PKNOX1: variants seen among roughly 807,000 people sequenced by gnomAD.
The protein encoded by PKNOX1 is homeobox protein PKNOX1.
PKNOX1 carries 15 observed loss-of-function variants against 51.9 expected under a neutral mutation model. The ratio of observed to expected loss-of-function variants is 0.29; its 90% CI spans 0.19 to 0.45. The LOEUF (loss-of-function observed/expected upper bound fraction) is 0.45. PKNOX1 is among the 20% of genes least tolerant of loss of function. The pLI is 1.00. For synonymous variants in PKNOX1, 219 were observed against 211.1 expected (o/e 1.04, Z -0.32); for missense variants, 462 against 547.5 (o/e 0.84, Z 1.56).
At chr21:43,018,349 T>C (rs957312335) in intron 7 of PKNOX1, 119 bp downstream of exon 7, 74 of 629,892 alleles carry the variant, frequency 1.2e-4, no homozygotes, top group Non-Finnish European at 1.9e-4. Flanking sequence ...TAGCAATTTC[T>C]GGTTTCTCTG....
chr21:43,007,670 A>C (rs1979059274), intron 3 of PKNOX1, 52 bp downstream of exon 3: 9 of 1,606,298 alleles, frequency 5.6e-6, no homozygotes, highest in Non-Finnish European at 7.7e-6. Context: ...AGGAGTGTCC[A>C]CAAGTTTGTT....
In PKNOX1 at chr21:43,032,497, A is replaced by G; in HGVS notation, c.*2396A>G. 4.2e-6 allele frequency: 1 copy of G among 239,416 alleles called. No individual in the cohort carries two copies. The highest frequency in any genetic ancestry group is 8.7e-6 in the Non-Finnish European group (1 of 115,596). 14.8% of individuals were successfully genotyped at this position (239,416 alleles called of 1,614,324 possible). A position where few individuals can be genotyped will look rare whatever the true frequency, so the allele number is the denominator to read the frequency against. ...GCCCGGCGCAGTAGGGCGTGCCTCT[A>G]GTTCCAGCTACTCGGGAGTCTGAGG... On this transcript the variant is annotated 3_prime_UTR_variant, in exon 11 of 11. Transcript: ENST00000291547.
rs1979379917 is a variant in PKNOX1, at chr21:43,014,160, T to G, written c.522+922T>G. ...CCTCACCCTCCTGAGTAGCTGGGAC[T>G]ACAGGTGCCTGCCACCACACCCGGC... On this transcript the variant is annotated intron_variant, in intron 5 of 10. Coordinates refer to ENST00000291547, the MANE Select transcript of PKNOX1 (RefSeq NM_004571.5). 2.6e-5 allele frequency among the ~76,000 whole-genome samples: 4 copies of G among 151,844 alleles called. No homozygotes were observed. The South Asian group carries it at 6.2e-4, about 24-fold the overall frequency.
chr21:42,987,533 G>T (rs2059060663), intron 1 of PKNOX1, among the ~76,000 whole-genome samples: 1 of 149,692 alleles, frequency 6.7e-6, no homozygotes, highest in South Asian at 2.1e-4. Context: ...TATAATTTTG[G>T]TCAGGGATTG....
intron 9 of PKNOX1, among the ~76,000 whole-genome samples, chr21:43,027,583 A>G (rs1398210150): frequency 6.6e-6 from 1 of 152,190 alleles, no homozygotes; most frequent in East Asian, 1.9e-4. Context: ...GATTGCTATC[A>G]TACTCATTTG....
At chr21:42,987,404 A>AAATATATATATATATATATATAT in intron 1 of PKNOX1, among the ~76,000 whole-genome samples, 1 of 41,412 alleles carries the variant, frequency 2.4e-5, no homozygotes, top group African/African-American at 9.3e-5. Context: ...AAAAAAAAAA[A>AAATATATATATATATATATATAT]ATATATATAT....
chr21:42,974,856 G>A (rs1672138), intron 1 of PKNOX1, among the ~76,000 whole-genome samples, 192 bp downstream of exon 1: 125,875 of 146,964 alleles, frequency 0.86, 53,980 homozygotes, highest in African/African-American at 0.88. Flanking sequence ...GCGCGGGTGG[G>A]GGAGGGGAGC....
chr21:43,022,327 C>A (rs1164885757), intron 8 of PKNOX1, among the ~76,000 whole-genome samples: 1 of 152,244 alleles, frequency 6.6e-6, no homozygotes, highest in African/African-American at 2.4e-5. Context: ...TCTGTCCTTG[C>A]CCTCCCCTGA....
At position 43,010,209 on chromosome 21, in the gene PKNOX1, A is replaced by G. The variant is rs1205643123; in HGVS notation, c.336A>G (p.Pro112=). The change falls in exon 4 of 11, where the codon CCA becomes CCG. Residue 112 remains proline (P), a synonymous_variant. Coordinates refer to ENST00000291547, the MANE Select transcript of PKNOX1 (RefSeq NM_004571.5). The stretch of plus-strand genomic sequence containing the variant: ...GGAAACCTTTCTTTTGTGAAGATCC[A>G]GAAACTGATAATTTAGTAAGTAAAA... ...KEGKPFFCED[P]ETDNLMVKAI... 16 of 1,542,358 alleles carry G rather than the reference A, an allele frequency of 1.0e-5. No individual in the cohort carries two copies. Among genetic ancestry groups the G allele is most frequent in the Non-Finnish European group, 1.3e-5 (15 of 1,137,434 alleles).
chr21:42,984,140 C>T (rs1477431645), intron 1 of PKNOX1, among the ~76,000 whole-genome samples: 1 of 151,812 alleles, frequency 6.6e-6, no homozygotes, highest in Non-Finnish European at 1.5e-5. Flanking sequence ...TGATGTTGTC[C>T]AGGCTGGTCT....
intron 9 of PKNOX1, among the ~76,000 whole-genome samples, chr21:43,025,821 A>C (rs1979961848): frequency 6.6e-6 from 1 of 152,210 alleles, no homozygotes; most frequent in Non-Finnish European, 1.5e-5. Context: ...AAGTTCCAGC[A>C]AGAAAGTCTT....
chr21:43,028,449 C>CAA (rs11394284), intron 9 of PKNOX1, among the ~76,000 whole-genome samples: 103 of 149,890 alleles, frequency 6.9e-4, no homozygotes, highest in Middle Eastern at 7.0e-3. Flanking sequence ...GGAGTTGAGA[C>CAA]AAAAAAAAAA....
intron 1 of PKNOX1, among the ~76,000 whole-genome samples, chr21:42,989,156 C>CTTTTT (rs577968609): frequency 2.0e-5 from 3 of 146,764 alleles, no homozygotes; most frequent in Non-Finnish European, 4.5e-5. Context: ...TAATTTCCAA[C>CTTTTT]TTTTTTTTTT....
chr21:42,983,965 G>A (rs567898980), intron 1 of PKNOX1, among the ~76,000 whole-genome samples: 1 of 152,002 alleles, frequency 6.6e-6, no homozygotes, highest in South Asian at 2.1e-4. Flanking sequence ...TTAGTGATGT[G>A]GAGCATCTTT....
rs1980104780 is a variant in PKNOX1 at position 43,028,933 on chromosome 21, G to A, written c.1099+59G>A. The A allele has an allele frequency of 3.2e-6, 5 of 1,551,586 alleles. No individual in the cohort carries two copies. The East Asian group carries it at 9.0e-5, about 28-fold the overall frequency. Reference sequence around the variant, plus strand: ...ACCATGGGGTGGGGATTATGAACAAGAGGCCTGGATCAGGCCTGTTAGCTG... The same window carrying A: ...ACCATGGGGTGGGGATTATGAACAAAAGGCCTGGATCAGGCCTGTTAGCTG... On this transcript the variant is annotated intron_variant, in intron 10 of 10. Transcript: ENST00000291547.
In PKNOX1 at chr21:43,027,234, A is replaced by C. The variant is rs1276627398; in HGVS notation, c.927-1468A>C. Among the ~76,000 whole-genome samples the C allele has an allele frequency of 2.0e-5, 3 of 152,218 alleles. No homozygotes were observed. In the South Asian group the frequency reaches 6.2e-4, roughly 32 times the overall value. Reference sequence around the variant, plus strand: ...AAAAGAAGACAGAAACGAGGCCTTAAGCATGGTTGGTATTGCTGCTTTTGC... The same window carrying C: ...AAAAGAAGACAGAAACGAGGCCTTACGCATGGTTGGTATTGCTGCTTTTGC... On this transcript the variant is annotated intron_variant, in intron 9 of 10. Coordinates refer to ENST00000291547, the MANE Select transcript of PKNOX1 (RefSeq NM_004571.5).
rs59913036 is a variant in PKNOX1 at position 42,982,074 on chromosome 21, C to T, written c.-57+7410C>T. The stretch of plus-strand genomic sequence containing the variant: ...CCAGCCTTACCTGCCCTGTACTCTC[C>T]CTTTTCCAGCACCCACCTCAGAGAG... On this transcript the variant is annotated intron_variant, in intron 1 of 10. Transcript: ENST00000291547. Among the ~76,000 whole-genome samples, 434 of 152,312 alleles carry T rather than the reference C, an allele frequency of 2.8e-3. 1 individual carries two copies. Among genetic ancestry groups the T allele is most frequent in the African/African-American group, 9.9e-3 (412 of 41,572 alleles).
chr21:43,029,226 C>A lies in PKNOX1; in HGVS notation c.1099+352C>A, dbSNP rs576448296. On this transcript the variant is annotated intron_variant, in intron 10 of 10. Transcript: ENST00000291547. ...GTGGAGGAGGGACTTACCCCGTTCT[C>A]ACCACGTGGCTTCTTTCTCTTCATC... is the stretch of plus-strand genomic sequence containing the variant. 2.6e-5 allele frequency among the ~76,000 whole-genome samples: 4 copies of A among 152,226 alleles called. No individual in the cohort carries two copies. In the East Asian group the frequency reaches 7.7e-4, roughly 29 times the overall value.
At chr21:42,976,364 G>A (rs968321688) in intron 1 of PKNOX1, among the ~76,000 whole-genome samples, 2 of 152,186 alleles carry the variant, frequency 1.3e-5, no homozygotes, top group Non-Finnish European at 2.9e-5. Flanking sequence ...CCTCAGTGTG[G>A]ATGGCTGCTG....
Sources: gnomAD v4.1 joint callset for allele counts (sites outside exome capture counted in the v4.1 genomes callset) on GRCh38, gnomAD v4.1.1 for gene constraint, MANE v1.5 for transcripts, NCBI Gene and HGNC (gene_info 2026-07-23, HGNC 2026-07-21) for gene names.